The following REEP5 variants were observed in gnomAD, a reference collection of about 807,000 sequenced individuals.
REEP5 encodes the protein receptor accessory protein 5.
REEP5 carries 24 observed loss-of-function variants against 22.4 expected under a neutral mutation model. The observed-to-expected ratio is 1.07, with a 90% CI of 0.78 to 1.51. REEP5 has a LOEUF of 1.51. Among genes scored for constraint, REEP5 ranks in the 40% most tolerant of loss-of-function variants. REEP5 has a pLI of 0.00. For missense variants in REEP5, 252 were observed against 233.0 expected, an observed-to-expected ratio of 1.08 and a Z score of -0.53; for synonymous variants, 103 against 88.6, an observed-to-expected ratio of 1.16 and a Z score of -0.92.
At position 112,878,320 on chromosome 5, in the gene REEP5, A is replaced by T. The variant is rs569230351; in HGVS notation, c.*466T>A. The stretch of plus-strand genomic sequence containing the variant: ...CATGAGCATGATGCATGTTGTAGTC[A>T]GACAGTAACATTTCCATATGTACAT... On this transcript the variant is annotated 3_prime_UTR_variant, in exon 5 of 5. Transcript: ENST00000379638. 1 of 157,520 alleles carries T rather than the reference A, an allele frequency of 6.3e-6. No individual in the cohort carries two copies. Among genetic ancestry groups the T allele is most frequent in the South Asian group, 1.9e-4 (1 of 5,328 alleles). 9.8% of individuals were successfully genotyped at this position (157,520 alleles called of 1,614,324 possible). A position where few individuals can be genotyped will look rare whatever the true frequency, so the allele number is the denominator to read the frequency against.
chr5:112,922,090 C>T lies in REEP5; in HGVS notation c.101G>A (p.Arg34Lys), dbSNP rs1274778455. 1.9e-6 allele frequency: 3 copies of T among 1,604,120 alleles called. No individual in the cohort carries two copies. Among genetic ancestry groups the T allele is most frequent in the Non-Finnish European group, 2.6e-6 (3 of 1,175,494 alleles). Residue 34 changes from arginine (R) to lysine (K), a missense_variant, in exon 1 of 5, where the codon AGG becomes AAG. Transcript: ENST00000379638. ...AKLEAKTGVN[R>K]SFIALGVIGL... ...CCACCCACCAAGAGCGATGAAGCTC[C>T]TGTTCACGCCGGTTTTGGCCTCGAG...
In REEP5 at chr5:112,893,499, C is replaced by T. The variant is rs143674874; in HGVS notation, c.352-6316G>A. 678 of 156,082 alleles carry T rather than the reference C, an allele frequency of 4.3e-3. 2 individuals carry two copies. Among genetic ancestry groups the T allele is most frequent in the South Asian group, 0.014 (72 of 5,194 alleles). The allele number at this position is 156,082 out of a possible 1,614,324, so 9.7% of individuals were successfully genotyped here. On this transcript the variant is annotated intron_variant, in intron 3 of 4. Coordinates refer to ENST00000379638, the MANE Select transcript of REEP5 (RefSeq NM_005669.5). The stretch of plus-strand genomic sequence containing the variant: ...CAATGGGATTCACTGCCATAATCTC[C>T]ATGTTATGATTTTAAGCCAGGCCTC...
At chr5:112,913,920 TTGTG>T (rs150644247) in intron 2 of REEP5, among the ~76,000 whole-genome samples, 1 of 150,386 alleles carries the variant, frequency 6.6e-6, no homozygotes. Flanking sequence ...GTGTGTGTGT[TTGTG>T]TGTGTGTGTG....
chr5:112,888,569 A>ACG (rs1222128807), intron 3 of REEP5, among the ~76,000 whole-genome samples: 2,400 of 145,474 alleles, frequency 0.016, 71 homozygotes, highest in East Asian at 0.088. Flanking sequence ...GACTGCAGGC[A>ACG]TGAACCACCA....
intron 1 of REEP5, 196 bp downstream of exon 1, chr5:112,921,876 CT>C: frequency 1.7e-6 from 1 of 576,030 alleles, no homozygotes; most frequent in Non-Finnish European, 2.8e-6. Flanking sequence ...CCCCGCGACC[CT>C]CAGCCTGGGC....
intron 2 of REEP5, among the ~76,000 whole-genome samples, chr5:112,915,357 C>G (rs1258262005): frequency 6.6e-6 from 1 of 152,138 alleles, no homozygotes; most frequent in Non-Finnish European, 1.5e-5. Context: ...ACTTTATTTT[C>G]TTTATGACAC....
intron 2 of REEP5, among the ~76,000 whole-genome samples, chr5:112,912,240 G>A (rs1018697128): frequency 6.6e-6 from 1 of 152,200 alleles, no homozygotes; most frequent in Non-Finnish European, 1.5e-5. Flanking sequence ...TCACACCTAA[G>A]ACACATAGGT....
chr5:112,889,492 T>G (rs1247260523), intron 3 of REEP5, among the ~76,000 whole-genome samples: 2 of 150,894 alleles, frequency 1.3e-5, no homozygotes, highest in Non-Finnish European at 2.9e-5. Context: ...ATATTAAAAT[T>G]CCTGAACTTG....
intron 2 of REEP5, among the ~76,000 whole-genome samples, chr5:112,905,161 G>T (rs1234521773): frequency 6.6e-5 from 10 of 152,168 alleles, no homozygotes; most frequent in Admixed American, 6.5e-4. Context: ...AAAAAGGGAA[G>T]AGATGGTCTA....
chr5:112,885,308 A>C (rs17369487), intron 4 of REEP5: 1,989 of 173,902 alleles, frequency 0.011, 26 homozygotes, highest in Non-Finnish European at 0.013. Flanking sequence ...AGTGACCTGA[A>C]ACAGCAAGTG....
intron 3 of REEP5, chr5:112,892,786 C>T (rs746786471): frequency 8.5e-5 from 137 of 1,613,510 alleles, no homozygotes; most frequent in Non-Finnish European, 1.1e-4. Flanking sequence ...CAGCAGGCAG[C>T]GGGGAAGGAG....
Position 112,921,034 on chromosome 5 carries a change from T to A in REEP5, c.212+129A>T. The A allele has an allele frequency of 3.5e-6, 3 of 851,710 alleles. No homozygotes were observed. The East Asian group carries it at 7.9e-5, about 23-fold the overall frequency. The allele number at this position is 851,710 out of a possible 1,614,324, so 52.8% of individuals were successfully genotyped here. ...GTGAATACTATCCCCACCCCTTATG[T>A]CCAACCTCATCCCTCCCCGCCGAGC... is the stretch of plus-strand genomic sequence containing the variant. On this transcript the variant is annotated intron_variant, in intron 2 of 4. Transcript: ENST00000379638.
Position 112,919,084 on chromosome 5 carries a change from T to TA in REEP5, c.212+2078dup, listed in dbSNP as rs1324655560. Among the ~76,000 whole-genome samples, 55 of 152,316 alleles carry TA rather than the reference T, an allele frequency of 3.6e-4. 1 individual carries two copies. The highest frequency in any genetic ancestry group is 1.2e-3 in the African/African-American group (50 of 41,556). On this transcript the variant is annotated intron_variant, in intron 2 of 4. Coordinates refer to ENST00000379638, the MANE Select transcript of REEP5 (RefSeq NM_005669.5). ...TTGCTAAATAGATGAACCTGTATTT[T>TA]AAAAAATAACTCTGGCTAGGGAGCA... is the stretch of plus-strand genomic sequence containing the variant.
chr5:112,885,453 G>A (rs1402810153), intron 4 of REEP5: 2 of 194,880 alleles, frequency 1.0e-5, no homozygotes, highest in South Asian at 1.0e-4. Context: ...AAGAGGAGGC[G>A]AAAGCCAAGA....
chr5:112,905,115 A>T (rs779136745), intron 2 of REEP5, among the ~76,000 whole-genome samples: 20 of 152,212 alleles, frequency 1.3e-4, no homozygotes, highest in Non-Finnish European at 1.9e-4. Flanking sequence ...AAATGTCTTT[A>T]TGTGTCATAA....
At chr5:112,893,149 C>G (rs1189296859) in intron 3 of REEP5, 3 of 725,928 alleles carry the variant, frequency 4.1e-6, no homozygotes, top group Non-Finnish European at 6.4e-6. Flanking sequence ...GTGGCTCACA[C>G]CTGTAATCCC....
chr5:112,891,568 C>T, intron 3 of REEP5: 1 of 1,548,526 alleles, frequency 6.5e-7, no homozygotes, highest in Non-Finnish European at 8.7e-7. Context: ...CTGACAGTGG[C>T]AGCTATGAAC....
At chr5:112,910,766 C>G (rs895942098) in intron 2 of REEP5, among the ~76,000 whole-genome samples, 4 of 152,214 alleles carry the variant, frequency 2.6e-5, no homozygotes, top group Admixed American at 1.3e-4. Flanking sequence ...CGGTCACTAT[C>G]ATTGCTCAAG....
intron 3 of REEP5, among the ~76,000 whole-genome samples, chr5:112,891,185 G>C (rs758331976): frequency 7.0e-6 from 1 of 141,982 alleles, no homozygotes; most frequent in African/African-American, 2.9e-5. Context: ...CAGTTCTCCT[G>C]CCTCAGCCTC....
Sources: gnomAD v4.1 joint callset for allele counts (sites outside exome capture counted in the v4.1 genomes callset) on GRCh38, gnomAD v4.1.1 for gene constraint, MANE v1.5 for transcripts, NCBI Gene and HGNC (gene_info 2026-07-23, HGNC 2026-07-21) for gene names.